Variants in KCNK2 observed in about 807,000 individuals in gnomAD.
The protein encoded by KCNK2 is potassium two pore domain channel subfamily K member 2.
KCNK2 carries 21 observed loss-of-function variants against 40.5 expected under a neutral mutation model. The observed-to-expected ratio is 0.52, with a 90% CI of 0.37 to 0.75. The LOEUF (loss-of-function observed/expected upper bound fraction) is 0.75. Ranked by LOEUF, KCNK2 falls within the 30% of genes least tolerant of loss-of-function variation. The pLI is 0.00. For synonymous variants in KCNK2, 191 were observed against 202.2 expected, an observed-to-expected ratio of 0.94 and a Z score of 0.47; for missense variants, 399 against 531.6, an observed-to-expected ratio of 0.75 and a Z score of 2.45.
chr1:215,026,137 G>T (rs1282374312), intron 1 of KCNK2, among the ~76,000 whole-genome samples: 1 of 151,786 alleles, frequency 6.6e-6, no homozygotes, highest in Non-Finnish European at 1.5e-5. Context: ...TTGGCCATTT[G>T]GATTTACTCA....
intron 1 of KCNK2, among the ~76,000 whole-genome samples, chr1:215,056,790 G>T (rs539574968): frequency 6.6e-6 from 1 of 151,806 alleles, no homozygotes; most frequent in South Asian, 2.1e-4. Context: ...TGTACATGGG[G>T]TAAAAAGTTC....
At chr1:215,058,395 T>C (rs1048603922) in intron 1 of KCNK2, among the ~76,000 whole-genome samples, 1 of 152,172 alleles carries the variant, frequency 6.6e-6, no homozygotes, top group African/African-American at 2.4e-5. Flanking sequence ...ATATATGCTT[T>C]TTCTCCTCTA....
intron 1 of KCNK2, among the ~76,000 whole-genome samples, chr1:215,019,753 C>G (rs1431888641): frequency 6.6e-6 from 1 of 152,164 alleles, no homozygotes; most frequent in Non-Finnish European, 1.5e-5. Context: ...TATAGGTTGT[C>G]TCTTCTTGCA....
chr1:215,056,364 A>T (rs1233467426), intron 1 of KCNK2, among the ~76,000 whole-genome samples: 2 of 150,822 alleles, frequency 1.3e-5, no homozygotes, highest in Non-Finnish European at 3.0e-5. Context: ...GCTTATAATG[A>T]CACTAAAAAT....
intron 3 of KCNK2, among the ~76,000 whole-genome samples, chr1:215,155,584 A>G (rs1662880957): frequency 6.6e-6 from 1 of 152,094 alleles, no homozygotes; most frequent in African/African-American, 2.4e-5. Flanking sequence ...CAGTGGCGCG[A>G]TCTCGGCTCA....
At position 215,083,378 on chromosome 1, in the gene KCNK2, C is replaced by T. The variant is rs147376791; in HGVS notation, c.-8C>T. ...TTTTCAAAAAACATTTTGAATGCTGCATGCCTCATGCTTCCCAGCGCCTCG... is the reference window on the plus strand; with the variant it reads ...TTTTCAAAAAACATTTTGAATGCTGTATGCCTCATGCTTCCCAGCGCCTCG... On this transcript the variant is annotated 5_prime_UTR_variant, in exon 1 of 7. Transcript: ENST00000444842. 1 of 1,614,114 alleles carries T rather than the reference C, an allele frequency of 6.2e-7. No individual in the cohort carries two copies. Among genetic ancestry groups the T allele is most frequent in the Non-Finnish European group, 8.5e-7 (1 of 1,180,010 alleles).
chr1:215,037,031 T>G (rs1409970102), intron 1 of KCNK2, among the ~76,000 whole-genome samples: 1 of 150,068 alleles, frequency 6.7e-6, no homozygotes, highest in Non-Finnish European at 1.5e-5. Context: ...TTATTGTACT[T>G]GCTAAAATCC....
chr1:215,055,684 A>G (rs1409314464), intron 1 of KCNK2, among the ~76,000 whole-genome samples: 1 of 152,128 alleles, frequency 6.6e-6, no homozygotes, highest in Admixed American at 6.5e-5. Context: ...CCCTCCATTC[A>G]TGGCAGTTCA....
intron 3 of KCNK2, among the ~76,000 whole-genome samples, chr1:215,143,825 A>T (rs1044917345): frequency 7.9e-5 from 12 of 152,058 alleles, no homozygotes; most frequent in African/African-American, 2.7e-4. Context: ...CTTTCCTCCT[A>T]ATGGTTTAGG....
intron 3 of KCNK2, among the ~76,000 whole-genome samples, chr1:215,154,424 T>TG (rs138867410): frequency 0.099 from 14,830 of 150,470 alleles, 1,998 homozygotes; most frequent in African/African-American, 0.31. Context: ...CACTTTTTGA[T>TG]GGGTTTTTTT....
chr1:215,179,262 T>C (rs899851247), intron 5 of KCNK2, among the ~76,000 whole-genome samples: 1 of 152,074 alleles, frequency 6.6e-6, no homozygotes, highest in Non-Finnish European at 1.5e-5. Context: ...TTTGTTAATC[T>C]AGCTGTCTAT....
In KCNK2 at chr1:215,016,818, G is replaced by GA. The variant is rs550337895; in HGVS notation, c.34+10867dup. Among the ~76,000 whole-genome samples, 96 of 152,118 alleles carry GA rather than the reference G, an allele frequency of 6.3e-4. No individual in the cohort carries two copies. The East Asian group carries it at 0.017, about 26-fold the overall frequency. On this transcript the variant is annotated intron_variant, in intron 1 of 6. Coordinates refer to the KCNK2 transcript ENST00000391895. ...TAACAGAATGAAGAGATACTGTAAGGAAAAGAAGAAAATATTTGCAAACCA... is the reference window on the plus strand; with the variant it reads ...TAACAGAATGAAGAGATACTGTAAGGAAAAAGAAGAAAATATTTGCAAACCA...
At chr1:215,222,612 C>A (rs1479654428) in intron 6 of KCNK2, among the ~76,000 whole-genome samples, 1 of 151,856 alleles carries the variant, frequency 6.6e-6, no homozygotes, top group South Asian at 2.1e-4. Context: ...AAATTACTAG[C>A]CAAAAAAAGC....
intron 1 of KCNK2, among the ~76,000 whole-genome samples, chr1:215,059,148 T>TATATATATACACACACAC (rs1658281032): frequency 2.2e-5 from 1 of 45,862 alleles, no homozygotes; most frequent in Non-Finnish European, 4.0e-5. Flanking sequence ...TACACACACA[T>TATATATATACACACACAC]ATATATATAT....
chr1:215,134,427 G>A (rs1321565526), intron 3 of KCNK2, among the ~76,000 whole-genome samples: 1 of 152,186 alleles, frequency 6.6e-6, no homozygotes, highest in Non-Finnish European at 1.5e-5. Flanking sequence ...AAGGGATACA[G>A]ATGAAAGACA....
In KCNK2 at chr1:215,030,385, A is replaced by T. The variant is rs187484760; in HGVS notation, c.34+24430A>T. 1.1e-3 allele frequency among the ~76,000 whole-genome samples: 173 copies of T among 152,222 alleles called. 1 individual carries two copies. The highest frequency in any genetic ancestry group is 3.9e-3 in the African/African-American group (162 of 41,530). On this transcript the variant is annotated intron_variant, in intron 1 of 6. Coordinates refer to the KCNK2 transcript ENST00000391895. The stretch of plus-strand genomic sequence containing the variant: ...CTTTTCTTGATAGTCTCTTTTGCCA[A>T]GCAGAAAATTTTAATTTAATAAACT...
intron 6 of KCNK2, among the ~76,000 whole-genome samples, chr1:215,229,014 G>A (rs943967521): frequency 6.7e-6 from 1 of 150,348 alleles, no homozygotes; most frequent in Non-Finnish European, 1.5e-5. Flanking sequence ...TTTGAATACA[G>A]CCCCAAATAA....
intron 1 of KCNK2, among the ~76,000 whole-genome samples, chr1:215,048,263 A>C (rs1438570508): frequency 6.6e-6 from 1 of 152,214 alleles, no homozygotes; most frequent in Non-Finnish European, 1.5e-5. Flanking sequence ...ATTGACTCTA[A>C]GTCATCAGTT....
At chr1:215,050,171 A>T (rs1243587989) in intron 1 of KCNK2, among the ~76,000 whole-genome samples, 1 of 152,094 alleles carries the variant, frequency 6.6e-6, no homozygotes, top group East Asian at 1.9e-4. Flanking sequence ...TTTTTAATTA[A>T]CATTTTGTAA....
Sources: gnomAD v4.1 joint callset for allele counts (sites outside exome capture counted in the v4.1 genomes callset) on GRCh38, gnomAD v4.1.1 for gene constraint, MANE v1.5 for transcripts, NCBI Gene and HGNC (gene_info 2026-07-23, HGNC 2026-07-21) for gene names.